FGF14: variants seen among roughly 807,000 people sequenced by gnomAD.
FGF14 encodes fibroblast growth factor 14, also known as fibroblast growth factor homologous factor 4.
In FGF14, 5 loss-of-function variants were observed where a neutral mutation model predicts 25.5. That is an observed-to-expected ratio of 0.20 (90% CI 0.10 to 0.41). The LOEUF is 0.41. Among genes scored for constraint, FGF14 ranks in the 10% least tolerant of loss-of-function variants. The pLI, the probability that FGF14 is intolerant of heterozygous loss-of-function variation, is 1.00. For synonymous variants in FGF14, 138 were observed against 118.3 expected, an observed-to-expected ratio of 1.17 and a Z score of -1.08; for missense variants, 222 against 320.1, an observed-to-expected ratio of 0.69 and a Z score of 2.34.
At position 101,877,161 on chromosome 13, in the gene FGF14, C is replaced by T. The variant is rs182329059; in HGVS notation, c.194-1865G>A. Among the ~76,000 whole-genome samples the T allele has an allele frequency of 2.5e-3, 384 of 152,214 alleles. 2 individuals are homozygous for T. Among genetic ancestry groups the T allele is most frequent in the Admixed American group, 3.3e-3 (50 of 15,274 alleles). ...GAAGCCACCTACCCACCCACTCACA[C>T]GCGCCCTCATGCTTATACAGAGAGA... On this transcript the variant is annotated intron_variant, in intron 1 of 4. Coordinates refer to ENST00000376143, the MANE Select transcript of FGF14 (RefSeq NM_004115.4).
chr13:102,193,691 C>T (rs1042375021), intron 1 of FGF14, among the ~76,000 whole-genome samples: 4 of 152,164 alleles, frequency 2.6e-5, no homozygotes, highest in African/African-American at 9.7e-5. Flanking sequence ...AGTTACTACA[C>T]ATGAGAAACT....
chr13:101,868,360 TCTC>T (rs1236827972), intron 3 of FGF14: 10 of 207,140 alleles, frequency 4.8e-5, no homozygotes, highest in African/African-American at 1.4e-4. Flanking sequence ...TAGAAAATAC[TCTC>T]CTTTTACTTT....
At chr13:101,921,046 ATCCTCAC>A (rs1425808369), upstream of FGF14, among the ~76,000 whole-genome samples, 2 of 144,580 alleles carry the variant, frequency 1.4e-5, no homozygotes, top group African/African-American at 2.7e-5. Flanking sequence ...CTATTGCCCT[ATCCTCAC>A]ACTCCTCTTG....
At chr13:102,094,390 C>A (rs138996673) in intron 1 of FGF14, among the ~76,000 whole-genome samples, 1 of 152,168 alleles carries the variant, frequency 6.6e-6, no homozygotes, top group African/African-American at 2.4e-5. Flanking sequence ...GAAGCTGTAT[C>A]TGCCAAACAA....
rs527325785 is a variant in FGF14 at position 101,775,145 on chromosome 13, G to C, written c.409-48335C>G. 7.9e-5 allele frequency among the ~76,000 whole-genome samples: 12 copies of C among 152,100 alleles called. No homozygotes were observed. The South Asian group carries it at 2.1e-3, about 26-fold the overall frequency. On this transcript the variant is annotated intron_variant, in intron 3 of 4. Coordinates refer to ENST00000376143, the MANE Select transcript of FGF14 (RefSeq NM_004115.4). ...ATAAAAATAATTGCAGATTAACACA[G>C]TTTATATATTAATCACATCAGTTTA...
chr13:101,983,037 C>T (rs977466403), intron 1 of FGF14, among the ~76,000 whole-genome samples: 1 of 151,676 alleles, frequency 6.6e-6, no homozygotes, highest in African/African-American at 2.4e-5. Context: ...CAAACAAAAG[C>T]ATATCAATTG....
chr13:101,954,699 A>AGTGTGTGTGTGTGTGT (rs5806259), intron 1 of FGF14, among the ~76,000 whole-genome samples: 1 of 150,764 alleles, frequency 6.6e-6, no homozygotes, highest in African/African-American at 2.4e-5. Context: ...ATTCACTGAA[A>AGTGTGTGTGTGTGTGT]GTGTGTGTGT....
intron 1 of FGF14, among the ~76,000 whole-genome samples, chr13:102,123,437 T>C (rs1389660144): frequency 6.6e-6 from 1 of 152,196 alleles, no homozygotes; most frequent in Admixed American, 6.5e-5. Context: ...GCTGCTGCTA[T>C]AGAAATTTAG....
At chr13:102,080,526 G>A (rs946313755) in intron 1 of FGF14, among the ~76,000 whole-genome samples, 4 of 152,084 alleles carry the variant, frequency 2.6e-5, no homozygotes, top group African/African-American at 9.7e-5. Flanking sequence ...TTTAAGATGA[G>A]GATATTTAAT....
chr13:102,161,574 A>AAGAAGAAGAAGAGGAAGAAGAAGAGG (rs1555369410), intron 1 of FGF14, among the ~76,000 whole-genome samples: 1 of 5,312 alleles, frequency 1.9e-4, no homozygotes, highest in Non-Finnish European at 3.3e-4. Context: ...GTGAAGAAAG[A>AAGAAGAAGAAGAGGAAGAAGAAGAGG]AAGAAGAAGA....
intron 1 of FGF14, among the ~76,000 whole-genome samples, chr13:102,127,439 G>A (rs779130485): frequency 2.0e-5 from 3 of 152,196 alleles, no homozygotes; most frequent in Non-Finnish European, 2.9e-5. Flanking sequence ...AAGTTGTAAC[G>A]CAAGGCTTCA....
intron 1 of FGF14, among the ~76,000 whole-genome samples, chr13:102,194,866 G>T (rs1261206191): frequency 6.6e-6 from 1 of 152,216 alleles, no homozygotes; most frequent in African/African-American, 2.4e-5. Context: ...CACAGTAATA[G>T]AGAAGTGGCT....
chr13:101,734,859 TCC>T, intron 3 of FGF14, among the ~76,000 whole-genome samples: 1 of 152,336 alleles, frequency 6.6e-6, no homozygotes, highest in African/African-American at 2.4e-5. Context: ...ATTTAACTAT[TCC>T]TACTAATTTA....
At chr13:102,280,109 A>G (rs547145388) in intron 1 of FGF14, among the ~76,000 whole-genome samples, 5 of 152,322 alleles carry the variant, frequency 3.3e-5, no homozygotes, top group Admixed American at 3.3e-4. Context: ...ATTAAATACA[A>G]ATTATTTTTC....
At chr13:102,321,467 G>A (rs543914692) in intron 1 of FGF14, among the ~76,000 whole-genome samples, 1 of 151,820 alleles carries the variant, frequency 6.6e-6, no homozygotes, top group South Asian at 2.1e-4. Context: ...TGCTTCCCAG[G>A]GTCATTATAA....
At chr13:101,981,019 A>G (rs1444231118) in intron 1 of FGF14, among the ~76,000 whole-genome samples, 2 of 149,524 alleles carry the variant, frequency 1.3e-5, no homozygotes, top group African/African-American at 4.9e-5. Flanking sequence ...AGGTGGGTGG[A>G]TTGCCTGAGT....
chr13:101,946,701 G>T (rs781068601), intron 1 of FGF14, among the ~76,000 whole-genome samples: 1 of 151,986 alleles, frequency 6.6e-6, no homozygotes, highest in South Asian at 2.1e-4. Flanking sequence ...TCTCTCACAG[G>T]GACTACTTTT....
intron 1 of FGF14, among the ~76,000 whole-genome samples, chr13:102,087,408 T>TTTTTTC (rs2043960337): frequency 2.1e-5 from 1 of 46,724 alleles, no homozygotes; most frequent in Non-Finnish European, 3.7e-5. Flanking sequence ...CTGTAATTTC[T>TTTTTTC]TTTTTTTTTT....
chr13:101,938,193 T>C (rs576526434), intron 1 of FGF14, among the ~76,000 whole-genome samples: 3 of 152,282 alleles, frequency 2.0e-5, no homozygotes, highest in South Asian at 2.1e-4. Context: ...TTCACTCTCA[T>C]CTTGGAGACT....
Sources: gnomAD v4.1 joint callset for allele counts (sites outside exome capture counted in the v4.1 genomes callset) on GRCh38, gnomAD v4.1.1 for gene constraint, MANE v1.5 for transcripts, NCBI Gene and HGNC (gene_info 2026-07-23, HGNC 2026-07-21) for gene names.